Variants in AIG1 observed in about 807,000 individuals in gnomAD.
The protein encoded by AIG1 is androgen induced 1, also known as androgen-induced gene 1 protein.
A neutral mutation model predicts 31.4 loss-of-function variants in AIG1; 23 were observed. The observed-to-expected ratio is 0.73, with a 90% CI of 0.53 to 1.04. The LOEUF (loss-of-function observed/expected upper bound fraction) is 1.04. Among genes scored for constraint, AIG1 ranks in the 50% least tolerant of loss-of-function variants. The pLI, the probability that AIG1 is intolerant of heterozygous loss-of-function variation, is 0.00. For missense variants in AIG1, 274 were observed against 295.0 expected, an observed-to-expected ratio of 0.93 and a Z score of 0.52; for synonymous variants, 100 against 110.5, an observed-to-expected ratio of 0.90 and a Z score of 0.60.
At chr6:143,286,267 T>G (rs1201792584) in intron 4 of AIG1, among the ~76,000 whole-genome samples, 1 of 152,088 alleles carries the variant, frequency 6.6e-6, no homozygotes, top group Admixed American at 6.5e-5. Flanking sequence ...ATAGTCCTCA[T>G]TATAGACCCC....
chr6:143,233,902 A>G (rs1205180264), intron 3 of AIG1, among the ~76,000 whole-genome samples: 1 of 152,240 alleles, frequency 6.6e-6, no homozygotes, highest in East Asian at 1.9e-4. Flanking sequence ...GCTGTGCCAC[A>G]TGTAAATAAT....
chr6:143,068,402 G>A (rs1400117824), intron 1 of AIG1, among the ~76,000 whole-genome samples: 1 of 152,240 alleles, frequency 6.6e-6, no homozygotes, highest in Non-Finnish European at 1.5e-5. Context: ...AAGGGCCCAT[G>A]CCTCACCTGC....
chr6:143,172,885 T>G (rs548272259), intron 3 of AIG1, among the ~76,000 whole-genome samples: 1 of 152,338 alleles, frequency 6.6e-6, no homozygotes, highest in South Asian at 2.1e-4. Context: ...AATGATCGTT[T>G]GTGTTTCTGT....
intron 4 of AIG1, among the ~76,000 whole-genome samples, chr6:143,317,777 A>G (rs1054988769): frequency 1.3e-5 from 2 of 152,202 alleles, no homozygotes; most frequent in Non-Finnish European, 1.5e-5. Context: ...CCTAGAACTA[A>G]TAAATGAATT....
chr6:143,124,645 A>G (rs1782536931), intron 1 of AIG1, among the ~76,000 whole-genome samples: 1 of 152,156 alleles, frequency 6.6e-6, no homozygotes, highest in African/African-American at 2.4e-5. Context: ...GTAATTTACA[A>G]AGGATAGAGG....
At position 143,340,165 on chromosome 6, in the gene AIG1, A is replaced by G. The variant is rs1046405919; in HGVS notation, c.*489A>G. ...CAGATGTTTCTCATTGCATAATGTC[A>G]CAGTTGCCTCAAATGAGCACCATTT... On this transcript the variant is annotated 3_prime_UTR_variant, in exon 6 of 6. Coordinates refer to ENST00000357847, the MANE Select transcript of AIG1 (RefSeq NM_016108.4). 4 of 152,342 alleles carry G rather than the reference A, an allele frequency of 2.6e-5. No individual in the cohort carries two copies. Among genetic ancestry groups the G allele is most frequent in the African/African-American group, 9.7e-5 (4 of 41,450 alleles). The allele number at this position is 152,342 out of a possible 1,614,324, so 9.4% of individuals were successfully genotyped here.
chr6:143,207,359 A>G (rs1470928103), intron 3 of AIG1, among the ~76,000 whole-genome samples: 1 of 152,154 alleles, frequency 6.6e-6, no homozygotes, highest in African/African-American at 2.4e-5. Context: ...AAAATCCCTG[A>G]AGATTTGTGG....
rs1350091598 is a variant in AIG1, at chr6:143,330,638, A to G, written c.516-2644A>G. Among the ~76,000 whole-genome samples the G allele has an allele frequency of 6.6e-6, 1 of 152,178 alleles. No homozygotes were observed. Among genetic ancestry groups the G allele is most frequent in the African/African-American group, 2.4e-5 (1 of 41,452 alleles). On this transcript the variant is annotated intron_variant, in intron 4 of 5. Coordinates refer to ENST00000357847, the MANE Select transcript of AIG1 (RefSeq NM_016108.4). This position sits in a 1 kb window ranked among gnomAD's most constrained non-coding sequence, Gnocchi z 4.4. The stretch of plus-strand genomic sequence containing the variant: ...GGGAGAGGAAGCAAGTTTTGAGCAG[A>G]ATAGTGGCATGGCCTGACTCACATT...
At chr6:143,149,341 A>G (rs1437302348) in intron 2 of AIG1, among the ~76,000 whole-genome samples, 2 of 152,010 alleles carry the variant, frequency 1.3e-5, no homozygotes, top group East Asian at 3.9e-4. Flanking sequence ...CCTGGCTAAC[A>G]TGGTGAAACC....
rs1232689908 is a variant in AIG1 at position 143,325,319 on chromosome 6, C to T, written c.516-7963C>T. ...TTCATGGGCCCACTTCCTTCAGACC[C>T]TGTACTCTTCCTGGGTCTCAGTCTG... is the stretch of plus-strand genomic sequence containing the variant. On this transcript the variant is annotated intron_variant, in intron 4 of 5. Coordinates refer to ENST00000357847, the MANE Select transcript of AIG1 (RefSeq NM_016108.4). This position sits in a 1 kb window ranked among gnomAD's most constrained non-coding sequence, Gnocchi z 4.3. Among the ~76,000 whole-genome samples, 1 of 152,232 alleles carries T rather than the reference C, an allele frequency of 6.6e-6. No homozygotes were observed. Among genetic ancestry groups the T allele is most frequent in the Non-Finnish European group, 1.5e-5 (1 of 68,042 alleles).
At chr6:143,149,532 C>CAAAAAAA (rs71767812) in intron 2 of AIG1, among the ~76,000 whole-genome samples, 2 of 39,988 alleles carry the variant, frequency 5.0e-5, no homozygotes, top group African/African-American at 1.8e-4. Context: ...GACTCTGTCT[C>CAAAAAAA]AAAAAAAAAA....
intron 1 of AIG1, among the ~76,000 whole-genome samples, chr6:143,111,965 A>G (rs1583211788): frequency 6.6e-6 from 1 of 152,142 alleles, no homozygotes; most frequent in Non-Finnish European, 1.5e-5. Flanking sequence ...TGCCCATTCA[A>G]TATGGTCATC....
Position 143,327,491 on chromosome 6 carries a change from G to C in AIG1, c.516-5791G>C, listed in dbSNP as rs1462651818. 5.2e-6 allele frequency: 2 copies of C among 385,942 alleles called. No homozygotes were observed. Among genetic ancestry groups the C allele is most frequent in the Non-Finnish European group, 9.8e-6 (2 of 203,146 alleles). The allele number at this position is 385,942 out of a possible 1,614,324, so 23.9% of individuals were successfully genotyped here. A position where few individuals can be genotyped will look rare whatever the true frequency, so the allele number is the denominator to read the frequency against. On this transcript the variant is annotated intron_variant, in intron 4 of 5. Coordinates refer to ENST00000357847, the MANE Select transcript of AIG1 (RefSeq NM_016108.4). The surrounding 1 kb of genome is among the most constrained non-coding windows in gnomAD (Gnocchi z 5.3). ...CATTGATACCAGGCCCAACAAAACT[G>C]TCTGGGCCAAAGGAATAAGGAATGT...
At chr6:143,261,641 TA>T (rs1486001899) in intron 3 of AIG1, among the ~76,000 whole-genome samples, 1 of 152,222 alleles carries the variant, frequency 6.6e-6, no homozygotes, top group Non-Finnish European at 1.5e-5. Context: ...CAATTTTTTT[TA>T]ATGTTTGAGT....
Position 143,060,953 on chromosome 6 carries a change from C to G in AIG1, c.28C>G (p.Arg10Gly). 6.2e-7 allele frequency: 1 copy of G among 1,611,942 alleles called. No individual in the cohort carries two copies. The highest frequency in any genetic ancestry group is 8.5e-7 in the Non-Finnish European group (1 of 1,179,496). The change falls in exon 1 of 6, where the codon CGG (arginine) becomes GGG (glycine). Residue 10 changes from arginine (R) to glycine (G), a missense_variant. Physicochemically the swap from Arg to Gly is moderately radical, Grantham distance 125. Around this residue, in one of 2 missense-constraint regions of AIG1, gnomAD observed 243 missense variants for 238.5 expected, o/e 1.02. Transcript: ENST00000357847. Reference protein sequence around the residue: MALVPCQVLRMAILLSYCSI... With the variant: MALVPCQVLGMAILLSYCSI... The stretch of plus-strand genomic sequence containing the variant: ...GGCGCTTGTCCCCTGCCAGGTGCTG[C>G]GGATGGCAATCCTGCTGTCTTACTG...
chr6:143,308,335 G>T (rs1026718156), intron 4 of AIG1, among the ~76,000 whole-genome samples: 4 of 152,222 alleles, frequency 2.6e-5, no homozygotes, highest in African/African-American at 7.2e-5. Flanking sequence ...AGCTGTTCCT[G>T]TTCGGCCATC....
intron 1 of AIG1, among the ~76,000 whole-genome samples, chr6:143,134,481 A>G (rs1783553459): frequency 6.6e-6 from 1 of 150,946 alleles, no homozygotes; most frequent in Non-Finnish European, 1.5e-5. Flanking sequence ...TGAATATAAC[A>G]CCATTATTTA....
chr6:143,128,060 A>G (rs540266458), intron 1 of AIG1, among the ~76,000 whole-genome samples: 1 of 152,338 alleles, frequency 6.6e-6, no homozygotes, highest in African/African-American at 2.4e-5. Flanking sequence ...GATAAATTAT[A>G]TATGTTTTAG....
chr6:143,337,236 T>C (rs927130333), intron 5 of AIG1, among the ~76,000 whole-genome samples: 3 of 152,228 alleles, frequency 2.0e-5, no homozygotes, highest in African/African-American at 7.2e-5. Flanking sequence ...TCTGCTGGTA[T>C]AAAATTCTCA....
Sources: gnomAD v4.1 joint callset for allele counts (sites outside exome capture counted in the v4.1 genomes callset) on GRCh38, gnomAD v4.1.1 for gene constraint, gnomAD v4.1.1 regional missense constraint, Gnocchi (gnomAD v3.1) non-coding constraint, MANE v1.5 for transcripts, NCBI Gene and HGNC (gene_info 2026-07-23, HGNC 2026-07-21) for gene names.